Variants in RHOU observed in about 807,000 individuals in gnomAD.
RHOU encodes ras homolog family member U.
Under a neutral mutation model 12.6 loss-of-function variants are expected in RHOU, and 8 were observed. That is an observed-to-expected ratio of 0.64 (90% confidence interval 0.37 to 1.15). The LOEUF is 1.15. Ranked by LOEUF, RHOU falls within the 50% of genes most tolerant of loss-of-function variation. The pLI is 0.01. For missense variants in RHOU, 258 were observed against 347.0 expected (o/e 0.74, Z 2.04); for synonymous variants, 161 against 147.4 (o/e 1.09, Z -0.67).
the RHOU span, among the ~76,000 whole-genome samples, chr1:228,655,907 G>T: frequency 6.6e-6 from 1 of 152,152 alleles, no homozygotes; most frequent in African/African-American, 2.4e-5. Context: ...TCACACGAAA[G>T]ACTCTGCAAA....
chr1:228,646,709 A>T, the RHOU span, among the ~76,000 whole-genome samples: 1 of 149,918 alleles, frequency 6.7e-6, no homozygotes, highest in Non-Finnish European at 1.5e-5. Context: ...GACACACCCC[A>T]CCGCCACCAG....
the RHOU span, among the ~76,000 whole-genome samples, chr1:228,714,740 C>T: frequency 6.2e-4 from 52 of 83,638 alleles, no homozygotes; most frequent in Non-Finnish European, 7.6e-4. Flanking sequence ...TGTTAATTAT[C>T]TTTTTTTTTT....
chr1:228,646,455 C>T, the RHOU span, among the ~76,000 whole-genome samples: 2 of 61,904 alleles, frequency 3.2e-5, no homozygotes, highest in South Asian at 1.3e-3. Flanking sequence ...GGGGCTCCTG[C>T]GAGGCCCCCT....
At chr1:228,689,458 C>T in the RHOU span, among the ~76,000 whole-genome samples, 1 of 152,146 alleles carries the variant, frequency 6.6e-6, no homozygotes, top group Non-Finnish European at 1.5e-5. Context: ...TGGAAACTGT[C>T]TGCTGACTGT....
At position 228,746,066 on chromosome 1, in the gene RHOU, C is replaced by T. The variant is rs1343218059; in HGVS notation, c.*2326C>T. The T allele has an allele frequency of 1.3e-5, 2 of 152,140 alleles. No individual in the cohort carries two copies. Among genetic ancestry groups the T allele is most frequent in the Non-Finnish European group, 2.9e-5 (2 of 68,032 alleles). 9.4% of individuals were successfully genotyped at this position (152,140 alleles called of 1,614,324 possible). A position where few individuals can be genotyped will look rare whatever the true frequency, so the allele number is the denominator to read the frequency against. On this transcript the variant is annotated 3_prime_UTR_variant, in exon 3 of 3. Transcript: ENST00000366691. ...TGAATTTTAAGTGGGGTTGATAACA[C>T]CTTGGACTGTTAGTGTTAAAAATCT...
upstream of RHOU, among the ~76,000 whole-genome samples, chr1:228,734,647 C>G (rs958886077): frequency 6.6e-6 from 1 of 152,096 alleles, no homozygotes; most frequent in African/African-American, 2.4e-5. Flanking sequence ...TAATATGTGG[C>G]CCTTCTCACA....
At chr1:228,728,503 T>G in the RHOU span, among the ~76,000 whole-genome samples, 1 of 152,230 alleles carries the variant, frequency 6.6e-6, no homozygotes, top group African/African-American at 2.4e-5. Context: ...GGAAAAGCTT[T>G]GTATAAATAG....
At chr1:228,730,194 T>C in the RHOU span, among the ~76,000 whole-genome samples, 5 of 152,188 alleles carry the variant, frequency 3.3e-5, no homozygotes, top group Non-Finnish European at 5.9e-5. Context: ...GTTTGGGAAT[T>C]GCTGGGGAAG....
the RHOU span, among the ~76,000 whole-genome samples, chr1:228,661,750 A>G: frequency 1.2e-4 from 18 of 152,324 alleles, no homozygotes; most frequent in East Asian, 3.5e-3. Flanking sequence ...AGGCAATACC[A>G]TTCAGGACAT....
At chr1:228,658,050 C>T in the RHOU span, among the ~76,000 whole-genome samples, 212 of 152,038 alleles carry the variant, frequency 1.4e-3, no homozygotes, top group African/African-American at 4.9e-3. Context: ...GAGGAGGAGA[C>T]TGGCAGATTG....
At chr1:228,659,741 T>C in the RHOU span, among the ~76,000 whole-genome samples, 1 of 151,836 alleles carries the variant, frequency 6.6e-6, no homozygotes, top group Non-Finnish European at 1.5e-5. Flanking sequence ...CCCAGCACTT[T>C]GGGAGGCCAA....
chr1:228,653,564 C>A, the RHOU span, among the ~76,000 whole-genome samples: 2 of 152,154 alleles, frequency 1.3e-5, no homozygotes, highest in African/African-American at 4.8e-5. Flanking sequence ...GGTGATCCAC[C>A]CACTTCGGCC....
rs186451021 is a variant in RHOU at position 228,737,962 on chromosome 1, G to A, written c.321+231G>A. ...AAAGCAGGGTTTGGCCCAGCTCTGC[G>A]TAACCAGGCAAGGGAGGAAGCAGTG... On this transcript the variant is annotated intron_variant, in intron 2 of 2. Coordinates refer to ENST00000366691, the MANE Select transcript of RHOU (RefSeq NM_021205.6). This position sits in a 1 kb window ranked among gnomAD's most constrained non-coding sequence, Gnocchi z 4.1. 2.3e-4 allele frequency among the ~76,000 whole-genome samples: 35 copies of A among 152,256 alleles called. No homozygotes were observed. In the East Asian group the frequency reaches 5.2e-3, roughly 23 times the overall value.
At chr1:228,649,660 C>A in the RHOU span, among the ~76,000 whole-genome samples, 1 of 152,128 alleles carries the variant, frequency 6.6e-6, no homozygotes, top group Non-Finnish European at 1.5e-5. Flanking sequence ...CAAGCTTTCC[C>A]GGGATCACAT....
the RHOU span, among the ~76,000 whole-genome samples, chr1:228,726,405 C>A: frequency 6.6e-6 from 1 of 152,154 alleles, no homozygotes; most frequent in Non-Finnish European, 1.5e-5. Flanking sequence ...GTGGCTCAAG[C>A]CCATAATCCC....
the RHOU span, among the ~76,000 whole-genome samples, chr1:228,717,279 A>G: frequency 6.6e-6 from 1 of 152,370 alleles, no homozygotes; most frequent in East Asian, 1.9e-4. Flanking sequence ...CTGTAATAAC[A>G]TCATGCATCA....
chr1:228,653,278 T>A, the RHOU span, among the ~76,000 whole-genome samples: 1 of 152,062 alleles, frequency 6.6e-6, no homozygotes, highest in Non-Finnish European at 1.5e-5. Context: ...GCCTCAGCCT[T>A]ATGAATAGCT....
chr1:228,654,497 A>T, the RHOU span, among the ~76,000 whole-genome samples: 1 of 152,170 alleles, frequency 6.6e-6, no homozygotes, highest in Non-Finnish European at 1.5e-5. Flanking sequence ...AGAGACATTA[A>T]AACTGCAAAC....
the RHOU span, among the ~76,000 whole-genome samples, chr1:228,728,454 T>A: frequency 6.6e-6 from 1 of 152,352 alleles, no homozygotes; most frequent in South Asian, 2.1e-4. Context: ...TAAAAATAAA[T>A]ATTAAAGATG....
Sources: gnomAD v4.1 joint callset for allele counts (sites outside exome capture counted in the v4.1 genomes callset) on GRCh38, gnomAD v4.1.1 for gene constraint, Gnocchi (gnomAD v3.1) non-coding constraint, MANE v1.5 for transcripts, NCBI Gene and HGNC (gene_info 2026-07-23, HGNC 2026-07-21) for gene names.